ZDHHC11: variants seen among roughly 807,000 people sequenced by gnomAD.
ZDHHC11 encodes the protein palmitoyltransferase ZDHHC11.
In ZDHHC11, 44 loss-of-function variants were observed where a neutral mutation model predicts 51.3. The observed-to-expected ratio is 0.86, with a 90% CI of 0.67 to 1.10. The LOEUF is 1.10. Ranked by LOEUF, ZDHHC11 falls within the 50% of genes least tolerant of loss-of-function variation. The pLI is 0.00. For missense variants in ZDHHC11, 400 were observed against 537.7 expected (o/e 0.74, Z 2.53); for synonymous variants, 163 against 222.0 (o/e 0.73, Z 2.36).
At chr5:845,194 T>C (rs1401072345) in intron 3 of ZDHHC11, among the ~76,000 whole-genome samples, 1 of 152,300 alleles carries the variant, frequency 6.6e-6, no homozygotes, top group East Asian at 1.9e-4. Flanking sequence ...TCCCTCATAC[T>C]GCCTTCCCTC....
intron 6 of ZDHHC11, among the ~76,000 whole-genome samples, chr5:835,563 C>A (rs189349823): frequency 0.015 from 2,285 of 151,814 alleles, 14 homozygotes; most frequent in African/African-American, 0.051. Flanking sequence ...AATCATTTGG[C>A]TAGTACAGTA....
intron 10 of ZDHHC11, chr5:816,298 C>T (rs1161314745): frequency 1.0e-5 from 3 of 294,610 alleles, no homozygotes; most frequent in Non-Finnish European, 1.3e-5. Context: ...CATTGCTTAA[C>T]AGAAGATCAC....
intron 10 of ZDHHC11, among the ~76,000 whole-genome samples, chr5:817,554 C>T (rs1740972992): frequency 6.6e-6 from 1 of 151,468 alleles, no homozygotes; most frequent in South Asian, 2.1e-4. Flanking sequence ...GTTTTGTGCT[C>T]TTAACCAATT....
chr5:833,305 G>A (rs1421595247), intron 7 of ZDHHC11, among the ~76,000 whole-genome samples: 1 of 151,462 alleles, frequency 6.6e-6, no homozygotes, highest in Non-Finnish European at 1.5e-5. Flanking sequence ...CCCTGTTTGT[G>A]AAGCCAGCCC....
chr5:825,417 G>A (rs571054), intron 7 of ZDHHC11, among the ~76,000 whole-genome samples, 166 bp from the exon 8 acceptor site: 416 of 152,054 alleles, frequency 2.7e-3, no homozygotes, highest in African/African-American at 9.6e-3. Flanking sequence ...GTACTCCTGC[G>A]TTATGTGCAG....
intron 12 of ZDHHC11, among the ~76,000 whole-genome samples, chr5:799,121 G>A (rs1446405538): frequency 5.3e-5 from 8 of 151,964 alleles, no homozygotes; most frequent in African/African-American, 7.3e-5. Context: ...CTCATAGGAC[G>A]TGTTTGTGTC....
intron 11 of ZDHHC11, among the ~76,000 whole-genome samples, chr5:811,851 G>C (rs866044088): frequency 7.2e-6 from 1 of 138,514 alleles, no homozygotes; most frequent in Non-Finnish European, 1.5e-5. Context: ...ACCTGAGAAA[G>C]TGACTGTCGG....
intron 7 of ZDHHC11, among the ~76,000 whole-genome samples, chr5:832,937 G>A (rs1743244872): frequency 6.6e-6 from 1 of 151,066 alleles, no homozygotes; most frequent in African/African-American, 2.4e-5. Flanking sequence ...GATCCCATAG[G>A]GTTCCTAATA....
At chr5:855,837 C>T (rs1748160064), upstream of ZDHHC11, among the ~76,000 whole-genome samples, 1 of 136,796 alleles carries the variant, frequency 7.3e-6, no homozygotes, top group African/African-American at 3.1e-5. Context: ...CCGGGGGGCA[C>T]AGACCCCACA....
chr5:837,218 G>C (rs1579712135), intron 6 of ZDHHC11, 147 bp downstream of exon 6: 2 of 866,208 alleles, frequency 2.3e-6, no homozygotes, highest in African/African-American at 3.4e-5. Flanking sequence ...CCCATGCACA[G>C]AGCCTCACAC....
intron 12 of ZDHHC11, among the ~76,000 whole-genome samples, chr5:797,796 T>C (rs186088395): frequency 0.032 from 4,748 of 149,636 alleles, 157 homozygotes; most frequent in African/African-American, 0.1. Flanking sequence ...TTTTCACATG[T>C]GGTGGGTTGT....
At chr5:859,569 CAA>C (rs1748683030), upstream of ZDHHC11, among the ~76,000 whole-genome samples, 1 of 152,186 alleles carries the variant, frequency 6.6e-6, no homozygotes, top group Non-Finnish European at 1.5e-5. Context: ...TGGTTCTGAG[CAA>C]AGACTTTGGC....
chr5:840,834 T>A (rs1426226542), intron 4 of ZDHHC11, 184 bp from the exon 5 acceptor site: 53 of 1,474,876 alleles, frequency 3.6e-5, no homozygotes, highest in Non-Finnish European at 4.6e-5. Flanking sequence ...CTGCCTTCGG[T>A]TGGTTTTCAT....
intron 6 of ZDHHC11, among the ~76,000 whole-genome samples, chr5:835,372 T>C (rs1264377218): frequency 6.6e-6 from 1 of 151,782 alleles, no homozygotes; most frequent in Admixed American, 6.6e-5. Context: ...AATGAAAGCT[T>C]TAACTTTGGA....
chr5:820,609 C>T (rs1189122230), intron 9 of ZDHHC11, among the ~76,000 whole-genome samples: 1 of 150,926 alleles, frequency 6.6e-6, no homozygotes, highest in Non-Finnish European at 1.5e-5. Context: ...CACTTTCTGG[C>T]CATGGTGGAG....
chr5:858,092 G>A (rs1194637825), intron 1 of ZDHHC11, among the ~76,000 whole-genome samples: 2 of 139,206 alleles, frequency 1.4e-5, no homozygotes, highest in African/African-American at 2.8e-5. Flanking sequence ...ATGACACCAG[G>A]CCCCTAGAGT....
intron 5 of ZDHHC11, among the ~76,000 whole-genome samples, chr5:838,691 C>G (rs1346470403): frequency 6.6e-6 from 1 of 152,210 alleles, no homozygotes; most frequent in East Asian, 1.9e-4. Flanking sequence ...TTGGTCTGGG[C>G]TTTGCGTTCA....
At chr5:813,716 C>T (rs1579586166) in intron 11 of ZDHHC11, among the ~76,000 whole-genome samples, 2 of 148,940 alleles carry the variant, frequency 1.3e-5, no homozygotes, top group African/African-American at 2.5e-5. Flanking sequence ...CCAGAGAGCA[C>T]GGGGCTGTTC....
intron 7 of ZDHHC11, among the ~76,000 whole-genome samples, chr5:827,758 T>A (rs78968746): frequency 1.3e-5 from 2 of 150,330 alleles, no homozygotes. Context: ...TTTTTTTTTT[T>A]ATTGATCATT....
Sources: allele counts gnomAD v4.1 joint callset (sites outside exome capture counted in the v4.1 genomes callset), GRCh38; gene constraint gnomAD v4.1.1; transcripts MANE v1.5; gene names NCBI Gene and HGNC (gene_info 2026-07-23, HGNC 2026-07-21).